CCDC30: variants seen among roughly 807,000 people sequenced by gnomAD.
CCDC30 encodes the protein coiled-coil domain-containing protein 30.
Under a neutral mutation model 100.2 loss-of-function variants are expected in CCDC30, and 70 were observed. The ratio of observed to expected loss-of-function variants is 0.70; its 90% CI spans 0.58 to 0.85. The LOEUF is 0.85. Among genes scored for constraint, CCDC30 ranks in the 40% least tolerant of loss-of-function variants. CCDC30 has a pLI of 0.00. For synonymous variants in CCDC30, 233 were observed against 269.5 expected, an observed-to-expected ratio of 0.86 and a Z score of 1.33; for missense variants, 652 against 771.2, an observed-to-expected ratio of 0.85 and a Z score of 1.83.
In CCDC30 at chr1:42,577,246, T is replaced by C. The variant is rs1645858868; in HGVS notation, c.846+17T>C. The C allele has an allele frequency of 6.5e-7, 1 of 1,531,770 alleles. No individual in the cohort carries two copies. Among genetic ancestry groups the C allele is most frequent in the African/African-American group, 1.4e-5 (1 of 73,098 alleles). The allele number at this position is 1,531,770 out of a possible 1,614,324, so 94.9% of individuals were successfully genotyped here. A position where few individuals can be genotyped will look rare whatever the true frequency, so the allele number is the denominator to read the frequency against. Reference sequence around the variant, plus strand: ...GAGGAAAAGGTAATTATCCTCATGCTTAATAAACAGCATACACTGAATACC... The same window carrying C: ...GAGGAAAAGGTAATTATCCTCATGCCTAATAAACAGCATACACTGAATACC... On this transcript the variant is annotated intron_variant, in intron 8 of 16. Transcript: ENST00000668663.
chr1:42,649,893 G>A (rs1395461237), intron 15 of CCDC30, among the ~76,000 whole-genome samples: 1 of 152,018 alleles, frequency 6.6e-6, no homozygotes, highest in Non-Finnish European at 1.5e-5. Context: ...TAACCAAAGA[G>A]GTGAAAGATC....
intron 3 of CCDC30, among the ~76,000 whole-genome samples, chr1:42,484,084 T>C (rs61314415): frequency 3.3e-5 from 5 of 151,768 alleles, no homozygotes; most frequent in Admixed American, 2.0e-4. Context: ...AAATGTTAAA[T>C]GTATAAAACA....
chr1:42,515,751 T>C (rs752031190), intron 6 of CCDC30, among the ~76,000 whole-genome samples: 10 of 152,218 alleles, frequency 6.6e-5, no homozygotes, highest in Non-Finnish European at 1.5e-4. Flanking sequence ...CATTTTACTA[T>C]CTGTCTCTAT....
chr1:42,546,398 AAATATATAT>A (rs1221164992), intron 6 of CCDC30, among the ~76,000 whole-genome samples: 3 of 22,772 alleles, frequency 1.3e-4, no homozygotes, highest in African/African-American at 2.8e-4. Context: ...AAAAAAAAAA[AAATATATAT>A]ATATATATAT....
chr1:42,637,948 G>T (rs1050715712), intron 12 of CCDC30, among the ~76,000 whole-genome samples: 1 of 152,166 alleles, frequency 6.6e-6, no homozygotes, highest in Non-Finnish European at 1.5e-5. Flanking sequence ...AGGCCAGTAA[G>T]GTTTTCCCTT....
intron 6 of CCDC30, among the ~76,000 whole-genome samples, chr1:42,539,571 A>T (rs947476012): frequency 1.3e-5 from 2 of 152,162 alleles, no homozygotes; most frequent in Admixed American, 1.3e-4. Flanking sequence ...CTTCCCACCA[A>T]CTTAATTTTT....
chr1:42,538,593 G>A (rs1377837552), intron 6 of CCDC30, among the ~76,000 whole-genome samples: 2 of 152,046 alleles, frequency 1.3e-5, no homozygotes, highest in Non-Finnish European at 2.9e-5. Context: ...GCAACATAGC[G>A]AGACCGCATC....
chr1:42,593,786 C>T lies in CCDC30; in HGVS notation c.1164+4303C>T, dbSNP rs368495413. The T allele has an allele frequency of 6.6e-5, 10 of 152,536 alleles. No homozygotes were observed. In the East Asian group the frequency reaches 1.7e-3, roughly 26 times the overall value. The allele number at this position is 152,536 out of a possible 1,614,324, so 9.4% of individuals were successfully genotyped here. On this transcript the variant is annotated intron_variant, in intron 10 of 16. Coordinates refer to ENST00000668663, the Ensembl canonical transcript of CCDC30. ...ATCAAAATATGTATGTATTATACCA[C>T]AGTAACACAAGAAAAATGACTTTTC... is the stretch of plus-strand genomic sequence containing the variant.
chr1:42,615,215 G>A lies in CCDC30; in HGVS notation c.1277+4125G>A, dbSNP rs74739375. Among the ~76,000 whole-genome samples, 220 of 152,318 alleles carry A rather than the reference G, an allele frequency of 1.4e-3. 3 individuals are homozygous for A. The highest frequency in any genetic ancestry group is 3.4e-3 in the Middle Eastern group (1 of 292). On this transcript the variant is annotated intron_variant, in intron 11 of 16. Transcript: ENST00000668663. ...GGAGATGAAGTAGCTATATTCTCAT[G>A]CTGATGCTGTTCCTCTCTGGGGGTT...
At chr1:42,651,537 C>G (rs1030993917) in intron 15 of CCDC30, among the ~76,000 whole-genome samples, 1 of 151,808 alleles carries the variant, frequency 6.6e-6, no homozygotes, top group African/African-American at 2.4e-5. Context: ...GGGATATCAC[C>G]TCACACCTGT....
intron 13 of CCDC30, 143 bp from the exon 18 acceptor site, chr1:42,644,550 G>A (rs1376854719): frequency 5.0e-6 from 3 of 605,156 alleles, no homozygotes; most frequent in East Asian, 5.6e-5. Flanking sequence ...TTGGAATATG[G>A]TGGGAATTAT....
chr1:42,596,080 C>T lies in CCDC30; in HGVS notation c.1164+6597C>T, dbSNP rs1339529373. On this transcript the variant is annotated intron_variant, in intron 10 of 16. Transcript: ENST00000668663. This position sits in a 1 kb window ranked among gnomAD's most constrained non-coding sequence, Gnocchi z 4.3. ...CCTTCAGAGAAGAGAGGTCACAGTC[C>T]AAACCGCTACCCCGAAAATTAGAGA... Among the ~76,000 whole-genome samples the T allele has an allele frequency of 6.6e-6, 1 of 152,118 alleles. No homozygotes were observed. Among genetic ancestry groups the T allele is most frequent in the African/African-American group, 2.4e-5 (1 of 41,406 alleles).
At chr1:42,579,650 G>GAGAA (rs1037582089) in intron 8 of CCDC30, among the ~76,000 whole-genome samples, 12 of 150,682 alleles carry the variant, frequency 8.0e-5, no homozygotes, top group South Asian at 4.2e-4. Context: ...GAGAGAGAGA[G>GAGAA]AGAAAGAGAG....
At chr1:42,625,320 A>C (rs558515706) in intron 11 of CCDC30, among the ~76,000 whole-genome samples, 1 of 143,726 alleles carries the variant, frequency 7.0e-6, no homozygotes, top group East Asian at 1.9e-4. Context: ...CAAAAAAACA[A>C]CTTTTTGTTT....
chr1:42,646,037 C>A, intron 14 of CCDC30, 98 bp from the exon 19 acceptor site: 2 of 1,436,274 alleles, frequency 1.4e-6, no homozygotes, highest in Non-Finnish European at 1.9e-6. Context: ...AGAACTATAG[C>A]ACATCAAACT....
intron 11 of CCDC30, 98 bp from the exon 16 acceptor site, chr1:42,637,139 T>C (rs1320439851): frequency 2.1e-6 from 2 of 947,074 alleles, no homozygotes; most frequent in East Asian, 5.5e-5. Context: ...TTCCCTGACT[T>C]AAGCAAGAAG....
upstream of CCDC30, chr1:42,460,155 C>T (rs1227848588): frequency 1.6e-6 from 2 of 1,254,404 alleles, no homozygotes; most frequent in African/African-American, 1.5e-5. Context: ...AAAAGAAGAG[C>T]TTATTGGGAA....
chr1:42,606,469 G>A (rs1646503371), intron 10 of CCDC30, among the ~76,000 whole-genome samples: 1 of 152,054 alleles, frequency 6.6e-6, no homozygotes, highest in South Asian at 2.1e-4. Flanking sequence ...GTAGAGGTGA[G>A]GTTTCACCAT....
upstream of CCDC30, chr1:42,459,757 T>C: frequency 6.2e-7 from 1 of 1,614,228 alleles, no homozygotes; most frequent in Non-Finnish European, 8.5e-7. Flanking sequence ...CAAGTGGTGG[T>C]GGCTAATATC....
Sources: allele counts gnomAD v4.1 joint callset (sites outside exome capture counted in the v4.1 genomes callset), GRCh38; gene constraint gnomAD v4.1.1; non-coding constraint Gnocchi (gnomAD v3.1); transcripts MANE v1.5; gene names NCBI Gene and HGNC (gene_info 2026-07-23, HGNC 2026-07-21).